Variants in NKAIN1 observed in about 807,000 individuals in gnomAD.
NKAIN1 encodes the protein sodium/potassium-transporting ATPase subunit beta-1-interacting protein 1.
Under a neutral mutation model 31.6 loss-of-function variants are expected in NKAIN1, and 13 were observed. The observed-to-expected ratio is 0.41, with a 90% CI of 0.27 to 0.65. The LOEUF (loss-of-function observed/expected upper bound fraction) is 0.65. Ranked by LOEUF, NKAIN1 falls within the 30% of genes least tolerant of loss-of-function variation. NKAIN1 has a pLI of 0.30. For synonymous variants in NKAIN1, 104 were observed against 109.0 expected (o/e 0.95, Z 0.28); for missense variants, 193 against 262.2 (o/e 0.74, Z 1.82).
intron 1 of NKAIN1, among the ~76,000 whole-genome samples, chr1:31,197,333 G>A (rs1271571681): frequency 1.3e-5 from 2 of 151,456 alleles, no homozygotes; most frequent in South Asian, 2.1e-4. Context: ...GGATGGTCTC[G>A]ATCTTCTGAC....
chr1:31,192,713 G>C (rs965236204), intron 1 of NKAIN1, among the ~76,000 whole-genome samples: 2 of 152,092 alleles, frequency 1.3e-5, no homozygotes, highest in African/African-American at 4.8e-5. Context: ...ACCATGCCCA[G>C]TGGATTTTTG....
intron 1 of NKAIN1, among the ~76,000 whole-genome samples, chr1:31,193,078 TA>T (rs1231950560): frequency 6.6e-6 from 1 of 151,278 alleles, no homozygotes; most frequent in East Asian, 2.0e-4. Flanking sequence ...TTTATTTTTT[TA>T]TTTTTTTGAG....
At chr1:31,187,093 G>A (rs968898965) in intron 2 of NKAIN1, among the ~76,000 whole-genome samples, 11 of 152,212 alleles carry the variant, frequency 7.2e-5, no homozygotes, top group African/African-American at 2.4e-4. Flanking sequence ...TCAGATGAGA[G>A]AGAGCCTTGT....
intron 1 of NKAIN1, among the ~76,000 whole-genome samples, chr1:31,225,476 C>T (rs372179302): frequency 6.6e-6 from 1 of 151,956 alleles, no homozygotes; most frequent in African/African-American, 2.4e-5. Context: ...CTACAGGCAC[C>T]CACCGACATG....
intron 2 of NKAIN1, among the ~76,000 whole-genome samples, chr1:31,187,189 G>A (rs541088152): frequency 6.6e-6 from 1 of 152,192 alleles, no homozygotes; most frequent in South Asian, 2.1e-4. Flanking sequence ...GGGCTCTGGA[G>A]GCAGCATGAC....
intron 1 of NKAIN1, among the ~76,000 whole-genome samples, chr1:31,202,241 C>T (rs1645385857): frequency 6.6e-6 from 1 of 152,236 alleles, no homozygotes; most frequent in Non-Finnish European, 1.5e-5. Flanking sequence ...TGGGCAGATC[C>T]AACCCACTGC....
intron 1 of NKAIN1, among the ~76,000 whole-genome samples, chr1:31,196,111 G>A (rs1037333098): frequency 6.6e-6 from 1 of 152,024 alleles, no homozygotes; most frequent in African/African-American, 2.4e-5. Flanking sequence ...GGGTGATGTG[G>A]CTCAGGCCTG....
chr1:31,232,227 G>A (rs1230045155), intron 1 of NKAIN1, among the ~76,000 whole-genome samples: 1 of 148,942 alleles, frequency 6.7e-6, no homozygotes, highest in Non-Finnish European at 1.5e-5. Context: ...GAGTAGCTGG[G>A]ATTACAGGCA....
At chr1:31,188,991 C>T (rs1023643483) in intron 1 of NKAIN1, among the ~76,000 whole-genome samples, 27 of 149,378 alleles carry the variant, frequency 1.8e-4, no homozygotes, top group Middle Eastern at 3.4e-3. Flanking sequence ...CCAGCCTGGG[C>T]GACAGAGTGA....
intron 5 of NKAIN1, among the ~76,000 whole-genome samples, chr1:31,182,248 A>G (rs372067428): frequency 8.8e-4 from 132 of 150,826 alleles, no homozygotes; most frequent in Middle Eastern, 3.4e-3. Flanking sequence ...GAAGGCTCTC[A>G]GGGGCGGGGC....
chr1:31,193,863 T>C (rs955793715), intron 1 of NKAIN1: 2 of 152,152 alleles, frequency 1.3e-5, no homozygotes, highest in African/African-American at 4.8e-5. Context: ...GTGGTGATTG[T>C]AAATCATAAC....
chr1:31,230,493 C>G (rs941267272), intron 1 of NKAIN1, among the ~76,000 whole-genome samples: 1 of 152,162 alleles, frequency 6.6e-6, no homozygotes, highest in Non-Finnish European at 1.5e-5. Context: ...TCAGGAAAAC[C>G]TGCAACCACA....
chr1:31,200,860 G>A (rs1299509189), intron 1 of NKAIN1, among the ~76,000 whole-genome samples: 1 of 149,678 alleles, frequency 6.7e-6, no homozygotes, highest in East Asian at 2.0e-4. Flanking sequence ...TTTTTTGACA[G>A]TCTCGCTCTG....
At chr1:31,198,617 C>A (rs1478260569) in intron 1 of NKAIN1, among the ~76,000 whole-genome samples, 1 of 152,084 alleles carries the variant, frequency 6.6e-6, no homozygotes, top group Non-Finnish European at 1.5e-5. Context: ...GCAATGCCAA[C>A]CCCCCTGCCC....
intron 1 of NKAIN1, among the ~76,000 whole-genome samples, chr1:31,200,844 CT>C (rs58544346): frequency 0.04 from 5,828 of 144,690 alleles, 300 homozygotes; most frequent in African/African-American, 0.12. Flanking sequence ...TCTCGAGTGC[CT>C]TTTTTTTTTT....
At chr1:31,232,932 T>A (rs1005320390) in intron 1 of NKAIN1, among the ~76,000 whole-genome samples, 2 of 152,072 alleles carry the variant, frequency 1.3e-5, no homozygotes, top group African/African-American at 4.8e-5. Context: ...ACCACACCTA[T>A]CTCATAGAGT....
At chr1:31,194,743 T>G (rs1228333343) in intron 1 of NKAIN1, among the ~76,000 whole-genome samples, 1 of 146,508 alleles carries the variant, frequency 6.8e-6, no homozygotes, top group African/African-American at 2.5e-5. Context: ...TTCCTTTTCC[T>G]TCCTTCCTTT....
chr1:31,188,795 G>C (rs1206293997), intron 1 of NKAIN1, among the ~76,000 whole-genome samples: 1 of 152,040 alleles, frequency 6.6e-6, no homozygotes, highest in Non-Finnish European at 1.5e-5. Flanking sequence ...GTTTGAAAAA[G>C]GCTTGAAAAA....
Position 31,181,568 on chromosome 1 carries a change from G to A in NKAIN1, c.*135C>T. Reference sequence around the variant, plus strand: ...GTCCACGTCCAAGTCCGCATCTCCAGATGCAGACGCGGGGTTGGGCACAGG... The same window carrying A: ...GTCCACGTCCAAGTCCGCATCTCCAAATGCAGACGCGGGGTTGGGCACAGG... On this transcript the variant is annotated 3_prime_UTR_variant, in exon 7 of 7. Coordinates refer to ENST00000373736, the MANE Select transcript of NKAIN1 (RefSeq NM_024522.3). The A allele has an allele frequency of 1.3e-6, 1 of 769,068 alleles. No individual in the cohort carries two copies. Among genetic ancestry groups the A allele is most frequent in the Non-Finnish European group, 1.9e-6 (1 of 539,376 alleles). The allele number at this position is 769,068 out of a possible 1,614,324, so 47.6% of individuals were successfully genotyped here.
Sources: allele counts gnomAD v4.1 joint callset (sites outside exome capture counted in the v4.1 genomes callset), GRCh38; gene constraint gnomAD v4.1.1; transcripts MANE v1.5; gene names NCBI Gene and HGNC (gene_info 2026-07-23, HGNC 2026-07-21).